The following KDM5B variants were observed in gnomAD, a reference collection of about 807,000 sequenced individuals.
The protein encoded by KDM5B is lysine-specific demethylase 5B.
In KDM5B, 144 loss-of-function variants were observed where a neutral mutation model predicts 193.4. The ratio of observed to expected loss-of-function variants is 0.74; its 90% CI spans 0.65 to 0.86. KDM5B has a LOEUF of 0.86. KDM5B is among the 40% of genes least tolerant of loss of function. KDM5B has a pLI of 0.00. For missense variants in KDM5B, 1,833 were observed against 1,886.9 expected (o/e 0.97, Z 0.53); for synonymous variants, 668 against 682.6 (o/e 0.98, Z 0.33).
chr1:202,801,940 A>C (rs1160320484), intron 1 of KDM5B, among the ~76,000 whole-genome samples: 1 of 151,296 alleles, frequency 6.6e-6, no homozygotes, highest in African/African-American at 2.4e-5. Context: ...CTTAAATTTG[A>C]GAATGTGTAG....
chr1:202,740,632 T>C, intron 20 of KDM5B, 42 bp downstream of exon 20: 1 of 1,555,780 alleles, frequency 6.4e-7, no homozygotes, highest in Non-Finnish European at 8.8e-7. Context: ...TTGCTCTTTA[T>C]GGATGCACTT....
Position 202,808,280 on chromosome 1 carries a change from G to A in KDM5B, c.26C>T (p.Pro9Leu), listed in dbSNP as rs1481881868. 1 of 1,606,560 alleles carries A rather than the reference G, an allele frequency of 6.2e-7. No homozygotes were observed. The highest frequency in any genetic ancestry group is 2.2e-5 in the East Asian group (1 of 44,726). The stretch of plus-strand genomic sequence containing the variant: ...GAGGGGCAGCGCCGGGCGCGGGCCT[G>A]GGTGCAGTGTGGTGGCCGCCTCCAT... The part of the protein sequence containing the change: MEAATTLH[P>L]GPRPALPLGG... The change falls in exon 1 of 27, where the codon CCA becomes CTA. Residue 9 changes from proline (P) to leucine (L), a missense_variant. Pro to Leu is a moderately conservative substitution (Grantham distance 98). Transcript: ENST00000367265.
rs574006560 is a variant in KDM5B at position 202,808,329 on chromosome 1, G to T, written c.-24C>A. 202 of 1,548,110 alleles carry T rather than the reference G, an allele frequency of 1.3e-4. 1 individual carries two copies. In the East Asian group the frequency reaches 4.0e-3, roughly 31 times the overall value. On this transcript the variant is annotated 5_prime_UTR_variant, in exon 1 of 27. Coordinates refer to ENST00000367265, the MANE Select transcript of KDM5B (RefSeq NM_006618.5). ...ATCACCGCAGGCTGGGCAAGGGCGA[G>T]GCGAAGGTGGGCTCCGGGACCGAGG... is the stretch of plus-strand genomic sequence containing the variant.
At chr1:202,755,560 G>A (rs1655976123) in intron 10 of KDM5B, 108 bp from the exon 11 acceptor site, 1 of 887,070 alleles carries the variant, frequency 1.1e-6, no homozygotes, top group Non-Finnish European at 1.7e-6. Flanking sequence ...AAATGTGGAA[G>A]AGGAGGGGCC....
At chr1:202,757,886 T>A (rs189836322) in intron 9 of KDM5B, among the ~76,000 whole-genome samples, 1 of 152,224 alleles carries the variant, frequency 6.6e-6, no homozygotes, top group African/African-American at 2.4e-5. Context: ...AATTAAAGCA[T>A]TACATTTTGG....
In KDM5B at chr1:202,749,087, C is replaced by A; in HGVS notation, c.1874G>T (p.Cys625Phe). 6.2e-7 allele frequency: 1 copy of A among 1,614,110 alleles called. No individual in the cohort carries two copies. The highest frequency in any genetic ancestry group is 8.5e-7 in the Non-Finnish European group (1 of 1,180,004). Residue 625 changes from cysteine (C) to phenylalanine (F), a missense_variant, in exon 14 of 27, where the codon TGT (cysteine) becomes TTT (phenylalanine). Physicochemically the swap from Cys to Phe is radical, Grantham distance 205. This residue lies in a region of KDM5B where 1,379 missense variants were observed against 1,349.6 expected (regional missense o/e 1.02). Coordinates refer to ENST00000367265, the MANE Select transcript of KDM5B (RefSeq NM_006618.5). ...GATCATCTCATCGTGGGAAAACACA[C>A]AATATCGATGAAGCAAGCGATAATG... ...VEHYRLLHRYCVFSHDEMICK... is the reference protein window; with the variant it reads ...VEHYRLLHRYFVFSHDEMICK...
At chr1:202,779,797 C>T (rs1657119300) in intron 1 of KDM5B, among the ~76,000 whole-genome samples, 2 of 106,932 alleles carry the variant, frequency 1.9e-5, no homozygotes, top group Admixed American at 1.1e-4. Context: ...AGTCAGACTC[C>T]GTCTCAAAAA....
In KDM5B at chr1:202,738,497, A is replaced by G. The variant is rs182153778; in HGVS notation, c.3085-2105T>C. On this transcript the variant is annotated intron_variant, in intron 20 of 26. Coordinates refer to ENST00000367265, the MANE Select transcript of KDM5B (RefSeq NM_006618.5). ...TGCTGGAGTCAGTCCTTAATTATGTAATCTCCTCAAACAATATATCTTCTT... is the reference window on the plus strand; with the variant it reads ...TGCTGGAGTCAGTCCTTAATTATGTGATCTCCTCAAACAATATATCTTCTT... Among the ~76,000 whole-genome samples the G allele has an allele frequency of 4.0e-3, 608 of 152,322 alleles. 1 individual carries two copies. The highest frequency in any genetic ancestry group is 5.0e-3 in the Non-Finnish European group (341 of 68,014).
At chr1:202,787,769 T>G (rs1572769037) in intron 1 of KDM5B, among the ~76,000 whole-genome samples, 2 of 151,624 alleles carry the variant, frequency 1.3e-5, no homozygotes, top group East Asian at 3.9e-4. Flanking sequence ...GGCGGGCGCC[T>G]GTAATCCCAG....
At chr1:202,742,051 T>G (rs1655365373) in intron 18 of KDM5B, among the ~76,000 whole-genome samples, 1 of 152,042 alleles carries the variant, frequency 6.6e-6, no homozygotes, top group Admixed American at 6.5e-5. Context: ...AATTTTTCTA[T>G]TTTTAGTAGA....
intron 1 of KDM5B, among the ~76,000 whole-genome samples, chr1:202,781,978 T>C (rs1230708995): frequency 6.7e-6 from 1 of 148,698 alleles, no homozygotes; most frequent in African/African-American, 2.4e-5. Context: ...TTTTACAAAT[T>C]AAAATGAGCT....
intron 20 of KDM5B, among the ~76,000 whole-genome samples, chr1:202,739,294 A>C (rs1314785615): frequency 6.6e-6 from 1 of 152,220 alleles, no homozygotes; most frequent in Non-Finnish European, 1.5e-5. Context: ...TCTAAGCTTT[A>C]AATATTTGAG....
chr1:202,787,543 T>C (rs1572768694), intron 1 of KDM5B, among the ~76,000 whole-genome samples: 1 of 152,262 alleles, frequency 6.6e-6, no homozygotes, highest in East Asian at 1.9e-4. Flanking sequence ...ATAAATAAAC[T>C]GGGTTTTAAT....
At chr1:202,780,838 G>T (rs1657167685) in intron 1 of KDM5B, among the ~76,000 whole-genome samples, 1 of 149,346 alleles carries the variant, frequency 6.7e-6, no homozygotes, top group African/African-American at 2.5e-5. Context: ...CTGTAATTTT[G>T]CCATTACCTA....
intron 4 of KDM5B, among the ~76,000 whole-genome samples, chr1:202,772,410 A>G (rs1422393463): frequency 6.6e-6 from 1 of 152,208 alleles, no homozygotes; most frequent in African/African-American, 2.4e-5. Context: ...CCCTTTTACC[A>G]TATCAACATT....
Position 202,745,309 on chromosome 1 carries a change from A to G in KDM5B, c.2323+549T>C, listed in dbSNP as rs116566217. On this transcript the variant is annotated intron_variant, in intron 16 of 26. Coordinates refer to ENST00000367265, the MANE Select transcript of KDM5B (RefSeq NM_006618.5). ...TTATCTATGTAACAAGCTTGCACATATACCCCTGAGGTGAAAAGTAAAAAG... is the reference window on the plus strand; with the variant it reads ...TTATCTATGTAACAAGCTTGCACATGTACCCCTGAGGTGAAAAGTAAAAAG... 6.6e-3 allele frequency among the ~76,000 whole-genome samples: 999 copies of G among 152,358 alleles called. 12 individuals are homozygous for G. Among genetic ancestry groups the G allele is most frequent in the African/African-American group, 0.023 (971 of 41,574 alleles).
chr1:202,805,653 T>C (rs1658260849), intron 1 of KDM5B, among the ~76,000 whole-genome samples: 1 of 152,224 alleles, frequency 6.6e-6, no homozygotes, highest in Admixed American at 6.6e-5. Flanking sequence ...TTCACACTTC[T>C]TGAAGGGTTT....
Position 202,740,827 on chromosome 1 carries a change from C to A in KDM5B, c.2946-15G>T. On this transcript the variant is annotated splice_polypyrimidine_tract_variant and intron_variant, in intron 19 of 26. Transcript: ENST00000367265. ...AATGTCGTGGCCTACAAAATGCAAACAAAGACTTCTTAGCATTTTATATGA... is the reference window on the plus strand; with the variant it reads ...AATGTCGTGGCCTACAAAATGCAAAAAAAGACTTCTTAGCATTTTATATGA... The A allele has an allele frequency of 6.3e-7, 1 of 1,598,812 alleles. No homozygotes were observed. The highest frequency in any genetic ancestry group is 8.5e-7 in the Non-Finnish European group (1 of 1,170,856).
chr1:202,750,661 A>T lies in KDM5B; in HGVS notation c.1819T>A (p.Trp607Arg). 6.2e-7 allele frequency: 1 copy of T among 1,613,678 alleles called. No homozygotes were observed. Among genetic ancestry groups the T allele is most frequent in the Non-Finnish European group, 8.5e-7 (1 of 1,179,658 alleles). Reference sequence around the variant, plus strand: ...TTAACTACATTGTAATTACATACCCAATCAACAGTGCAGAAGTTAACAGCC... The same window carrying T: ...TTAACTACATTGTAATTACATACCCTATCAACAGTGCAGAAGTTAACAGCC... ...AEAVNFCTVD[W>R]LPLGRQCVEH... Residue 607 changes from tryptophan to arginine, a missense_variant and splice_region_variant, in exon 13 of 27, where the codon TGG (tryptophan) becomes AGG (arginine). Trp to Arg is a moderately radical substitution (Grantham distance 101). Around this residue, in one of 3 missense-constraint regions of KDM5B, gnomAD observed 1,379 missense variants for 1,349.6 expected, o/e 1.02. Transcript: ENST00000367265.
Sources: allele counts gnomAD v4.1 joint callset (sites outside exome capture counted in the v4.1 genomes callset), GRCh38; gene constraint gnomAD v4.1.1; regional missense constraint gnomAD v4.1.1; transcripts MANE v1.5; gene names NCBI Gene and HGNC (gene_info 2026-07-23, HGNC 2026-07-21).